The following COL22A1 variants were observed in gnomAD, a reference collection of about 807,000 sequenced individuals.
The protein encoded by COL22A1 is collagen alpha-1(XXII) chain.
Under a neutral mutation model 248.9 loss-of-function variants are expected in COL22A1, and 221 were observed. That is an observed-to-expected ratio of 0.89 (90% CI 0.80 to 0.99). The LOEUF is 0.99. Ranked by LOEUF, COL22A1 falls within the 50% of genes least tolerant of loss-of-function variation. The probability of loss-of-function intolerance (pLI) is 0.00; values close to 1 mark genes in which losing one functional copy is unlikely to be tolerated. For missense variants in COL22A1, 2,240 were observed against 2,179.0 expected, an observed-to-expected ratio of 1.03 and a Z score of -0.56; for synonymous variants, 891 against 793.4, an observed-to-expected ratio of 1.12 and a Z score of -2.07.
At chr8:138,868,045 G>A (rs1294521432) in intron 3 of COL22A1, among the ~76,000 whole-genome samples, 1 of 152,204 alleles carries the variant, frequency 6.6e-6, no homozygotes, top group African/African-American at 2.4e-5. Flanking sequence ...TTACAGGCAT[G>A]AGCCACCGCA....
At chr8:138,845,106 A>G (rs1291359881) in intron 3 of COL22A1, among the ~76,000 whole-genome samples, 11 of 152,306 alleles carry the variant, frequency 7.2e-5, no homozygotes, top group Non-Finnish European at 2.9e-5. Flanking sequence ...AAACAGGCAA[A>G]TTCCAAACAA....
intron 60 of COL22A1, among the ~76,000 whole-genome samples, chr8:138,601,227 C>T (rs893703892): frequency 1.3e-5 from 2 of 151,928 alleles, no homozygotes; most frequent in East Asian, 1.9e-4. Context: ...CTGGCTCCAT[C>T]GCTCAGGAAC....
chr8:138,753,392 G>A (rs1166259219), intron 21 of COL22A1, among the ~76,000 whole-genome samples: 1 of 152,144 alleles, frequency 6.6e-6, no homozygotes, highest in Non-Finnish European at 1.5e-5. Flanking sequence ...TGAACACTCC[G>A]AAGGGAATCT....
chr8:138,754,169 T>C (rs1251225940), intron 21 of COL22A1, among the ~76,000 whole-genome samples: 1 of 152,222 alleles, frequency 6.6e-6, no homozygotes, highest in South Asian at 2.1e-4. Flanking sequence ...TACTTGCCAA[T>C]AATAGATCTG....
At chr8:138,856,496 G>A (rs1018488662) in intron 3 of COL22A1, among the ~76,000 whole-genome samples, 1 of 151,974 alleles carries the variant, frequency 6.6e-6, no homozygotes, top group African/African-American at 2.4e-5. Flanking sequence ...GAGAGCGAGA[G>A]AGACAGAGAG....
At chr8:138,787,649 C>A (rs890672486) in intron 12 of COL22A1, among the ~76,000 whole-genome samples, 3 of 152,192 alleles carry the variant, frequency 2.0e-5, no homozygotes. Context: ...GGATGAGATT[C>A]ACTGCAGAAG....
chr8:138,628,467 T>C (rs1458599916), intron 50 of COL22A1, among the ~76,000 whole-genome samples: 1 of 152,134 alleles, frequency 6.6e-6, no homozygotes, highest in Non-Finnish European at 1.5e-5. Flanking sequence ...ACCCAGCAGA[T>C]GGAGGTTGCA....
intron 22 of COL22A1, among the ~76,000 whole-genome samples, chr8:138,746,012 G>GGCA (rs1832074026): frequency 2.6e-5 from 4 of 152,116 alleles, no homozygotes; most frequent in Non-Finnish European, 4.4e-5. Context: ...GCAGGCAGGC[G>GGCA]GGCAGGTGGG....
intron 32 of COL22A1, among the ~76,000 whole-genome samples, chr8:138,699,272 AGTCT>A (rs1827765723): frequency 6.9e-6 from 1 of 144,356 alleles, no homozygotes; most frequent in African/African-American, 2.5e-5. Flanking sequence ...CACCTGACTC[AGTCT>A]GTCTACCTGC....
chr8:138,626,096 C>G, intron 51 of COL22A1, 94 bp downstream of exon 51: 2 of 942,392 alleles, frequency 2.1e-6, no homozygotes, highest in Non-Finnish European at 3.2e-6. Flanking sequence ...GTGGCCAGGC[C>G]TTGTTTTGAC....
intron 47 of COL22A1, among the ~76,000 whole-genome samples, chr8:138,643,651 C>CAGACAGAT (rs1554728513): frequency 0.058 from 8,493 of 146,640 alleles, 486 homozygotes; most frequent in East Asian, 0.16. Context: ...GATAGATAGA[C>CAGACAGAT]AGATAGATAG....
At chr8:138,911,135 G>A (rs552417178) in intron 1 of COL22A1, among the ~76,000 whole-genome samples, 1 of 152,168 alleles carries the variant, frequency 6.6e-6, no homozygotes, top group Admixed American at 6.5e-5. Context: ...CCTGTAGTGG[G>A]GGACTCACTC....
intron 4 of COL22A1, among the ~76,000 whole-genome samples, chr8:138,839,355 C>T (rs1223388427): frequency 1.3e-5 from 2 of 152,082 alleles, no homozygotes; most frequent in Admixed American, 6.5e-5. Context: ...TCAGGCTGGG[C>T]TTTTGTCGGC....
At chr8:138,882,513 C>T (rs577896656) in intron 2 of COL22A1, among the ~76,000 whole-genome samples, 1 of 150,968 alleles carries the variant, frequency 6.6e-6, no homozygotes, top group Admixed American at 6.6e-5. Context: ...TCGTCAAACA[C>T]ACACTCCTAC....
At chr8:138,878,415 A>C in intron 2 of COL22A1, 99 bp from the exon 3 acceptor site, 2 of 1,020,852 alleles carry the variant, frequency 2.0e-6, no homozygotes, top group Non-Finnish European at 1.4e-6. Flanking sequence ...ACCTGCTCAA[A>C]TACCTACCTG....
chr8:138,694,187 C>A (rs2130930488), intron 34 of COL22A1, among the ~76,000 whole-genome samples: 1 of 152,364 alleles, frequency 6.6e-6, no homozygotes, highest in South Asian at 2.1e-4. Context: ...AAGGTGCCCC[C>A]TATGTGCAGA....
In COL22A1 at chr8:138,694,838, C is replaced by T. The variant is rs1564205961; in HGVS notation, c.2634G>A (p.Leu878=). The part of the protein sequence containing the change: ...GPKGEKGDPG[L]PGEPGLQGRP... ...ACAAGAGACTCACCGGTTCCCCAGG[C>T]AGGCCTGGATCGCCCTTCTCTCCTT... The change falls in exon 33 of 65, where the codon CTG becomes CTA. Residue 878 remains leucine (L), a synonymous_variant. Coordinates refer to ENST00000303045, the MANE Select transcript of COL22A1 (RefSeq NM_152888.3). 2 of 1,614,062 alleles carry T rather than the reference C, an allele frequency of 1.2e-6. No homozygotes were observed.
rs1184069781 is a variant in COL22A1, at chr8:138,703,345, A to G, written c.2520T>C (p.Gly840=). Residue 840 remains glycine, a splice_region_variant and synonymous_variant, in exon 31 of 65, where the codon GGT becomes GGC. Coordinates refer to ENST00000303045, the MANE Select transcript of COL22A1 (RefSeq NM_152888.3). The part of the protein sequence containing the change: ...PGLKGDRGEK[G]EAGPAGPPGL... ...CGGGAGGGCCTGCAGGACCAGCTTC[A>G]CCCTAGATGGAGAAATGGAAAATCC... The G allele has an allele frequency of 1.2e-6, 2 of 1,613,552 alleles. No homozygotes were observed. Among genetic ancestry groups the G allele is most frequent in the African/African-American group, 2.7e-5 (2 of 75,008 alleles).
intron 30 of COL22A1, among the ~76,000 whole-genome samples, chr8:138,705,697 C>T (rs1828369478): frequency 6.6e-6 from 1 of 152,076 alleles, no homozygotes; most frequent in African/African-American, 2.4e-5. Context: ...GTAAACACCA[C>T]CCATGCTAGG....
Sources: gnomAD v4.1 joint callset for allele counts (sites outside exome capture counted in the v4.1 genomes callset) on GRCh38, gnomAD v4.1.1 for gene constraint, MANE v1.5 for transcripts, NCBI Gene and HGNC (gene_info 2026-07-23, HGNC 2026-07-21) for gene names.